The following PAX8 variants were observed in gnomAD, a reference collection of about 807,000 sequenced individuals.
PAX8 encodes paired box 8, also known as paired box protein Pax-8.
In PAX8, 15 loss-of-function variants were observed where a neutral mutation model predicts 52.4. The observed-to-expected ratio is 0.29, with a 90% CI of 0.19 to 0.44. The LOEUF (loss-of-function observed/expected upper bound fraction) is 0.44, where lower values mean the gene tolerates loss of function less well. Among genes scored for constraint, PAX8 ranks in the 20% least tolerant of loss-of-function variants. The probability of loss-of-function intolerance (pLI) is 1.00; values close to 1 mark genes in which losing one functional copy is unlikely to be tolerated. For missense variants in PAX8, 554 were observed against 602.5 expected (o/e 0.92, Z 0.84); for synonymous variants, 284 against 249.7 (o/e 1.14, Z -1.29).
At chr2:113,276,030 C>T (rs1446868611) in intron 2 of PAX8, 1 of 152,248 alleles carries the variant, frequency 6.6e-6, no homozygotes, top group Non-Finnish European at 1.5e-5. Context: ...CGTGTGGCCG[C>T]CTGCGTCCCG....
chr2:113,225,951 G>C, intron 10 of PAX8: 4 of 982,414 alleles, frequency 4.1e-6, no homozygotes, highest in Non-Finnish European at 4.8e-6. Context: ...GAGGAAGGGA[G>C]GGAGGGAGGG....
intron 10 of PAX8, chr2:113,226,939 A>G: frequency 4.1e-6 from 6 of 1,462,002 alleles, no homozygotes; most frequent in South Asian, 1.3e-5. Context: ...GCCTGGGAAG[A>G]AGGAGGCCGA....
chr2:113,241,326 C>T, intron 7 of PAX8: 1 of 628,800 alleles, frequency 1.6e-6, no homozygotes, highest in East Asian at 2.8e-5. Context: ...AAGGCCCAGG[C>T]TCAAAGGTTT....
chr2:113,226,560 G>T, intron 10 of PAX8: 2 of 1,005,234 alleles, frequency 2.0e-6, no homozygotes, highest in Non-Finnish European at 2.4e-6. Context: ...GCTACTCCAG[G>T]CTCATTTCAT....
At chr2:113,233,008 C>T (rs1689986871) in intron 9 of PAX8, among the ~76,000 whole-genome samples, 1 of 150,448 alleles carries the variant, frequency 6.6e-6, no homozygotes, top group South Asian at 2.1e-4. Context: ...TGACATGAAC[C>T]TCTTCTCCTC....
At chr2:113,236,940 G>T in intron 7 of PAX8, 1 of 583,050 alleles carries the variant, frequency 1.7e-6, no homozygotes, top group Non-Finnish European at 3.0e-6. Flanking sequence ...GGTAGCATGG[G>T]TGCCCAGACG....
At chr2:113,241,229 C>CT in intron 7 of PAX8, 1 of 480,704 alleles carries the variant, frequency 2.1e-6, no homozygotes, top group Non-Finnish European at 3.8e-6. Flanking sequence ...TGTGCTACTG[C>CT]TTCAGAGTTG....
Position 113,227,067 on chromosome 2 carries a change from G to A in PAX8, c.1189+88C>T, listed in dbSNP as rs1485312463. 3 of 1,536,312 alleles carry A rather than the reference G, an allele frequency of 2.0e-6. No homozygotes were observed. The East Asian group carries it at 7.3e-5, about 38-fold the overall frequency. On this transcript the variant is annotated intron_variant, in intron 10 of 11. Coordinates refer to ENST00000429538, the MANE Select transcript of PAX8 (RefSeq NM_003466.4). ...GCCCTTTGGGAAGTCTATGAATAGG[G>A]CACAGTATGCCTCTTGCTCCTTGTG... is the stretch of plus-strand genomic sequence containing the variant.
At position 113,216,912 on chromosome 2, in the gene PAX8, G is replaced by C; in HGVS notation, c.*1621C>G. 4.4e-6 allele frequency: 1 copy of C among 228,746 alleles called. No individual in the cohort carries two copies. The highest frequency in any genetic ancestry group is 8.7e-6 in the Non-Finnish European group (1 of 115,134). 14.2% of individuals were successfully genotyped at this position (228,746 alleles called of 1,614,324 possible). Reference sequence around the variant, plus strand: ...CCTCATATGTAAAATGAAGCTGTATGTAAAACAGGGCTAATTTCAGCTTAA... The same window carrying C: ...CCTCATATGTAAAATGAAGCTGTATCTAAAACAGGGCTAATTTCAGCTTAA... On this transcript the variant is annotated 3_prime_UTR_variant, in exon 12 of 12. Coordinates refer to ENST00000429538, the MANE Select transcript of PAX8 (RefSeq NM_003466.4).
intron 2 of PAX8, chr2:113,272,702 T>A (rs1474067116): frequency 6.6e-6 from 1 of 152,192 alleles, no homozygotes; most frequent in East Asian, 1.9e-4. Flanking sequence ...AGTCATTGCC[T>A]GCATTTCCTA....
chr2:113,271,678 T>G (rs1022547720), intron 2 of PAX8: 7 of 148,098 alleles, frequency 4.7e-5, no homozygotes, highest in Non-Finnish European at 1.0e-4. Context: ...CTGATGGGAG[T>G]TTCCACTAGG....
intron 7 of PAX8, chr2:113,240,875 GTC>G (rs1282119586): frequency 1.2e-5 from 2 of 161,188 alleles, no homozygotes; most frequent in African/African-American, 4.8e-5. Flanking sequence ...GTACCTGTCT[GTC>G]TGCTAGATTA....
intron 2 of PAX8, among the ~76,000 whole-genome samples, chr2:113,256,972 C>A (rs910558574): frequency 6.6e-6 from 1 of 152,136 alleles, no homozygotes; most frequent in Non-Finnish European, 1.5e-5. Flanking sequence ...CTGAGACCCA[C>A]CATTTCCATA....
intron 7 of PAX8, chr2:113,239,692 A>C (rs951584120): frequency 1.3e-5 from 2 of 152,244 alleles, no homozygotes; most frequent in Non-Finnish European, 2.9e-5. Flanking sequence ...CCTCATCTGA[A>C]AGATGAGTGG....
rs2104627843 is a variant in PAX8 at position 113,278,897 on chromosome 2, TCTC to T, written c.-145_-143del. On this transcript the variant is annotated 5_prime_UTR_variant, in exon 1 of 12. Coordinates refer to ENST00000429538, the MANE Select transcript of PAX8 (RefSeq NM_003466.4). ...GCGAGGGTGCCCTGGGCCCGGTGTC[TCTC>T]CTCCTTCTGAAGTTTGTTCCCATCC... is the stretch of plus-strand genomic sequence containing the variant. 2 of 1,050,518 alleles carry T rather than the reference TCTC, an allele frequency of 1.9e-6. No individual in the cohort carries two copies. The highest frequency in any genetic ancestry group is 5.4e-5 in the East Asian group (1 of 18,524). The allele number at this position is 1,050,518 out of a possible 1,614,324, so 65.1% of individuals were successfully genotyped here.
intron 2 of PAX8, among the ~76,000 whole-genome samples, chr2:113,255,985 C>T (rs1016449656): frequency 1.4e-4 from 19 of 140,526 alleles, no homozygotes; most frequent in African/African-American, 5.3e-4. Context: ...CCTGCCAGGG[C>T]TCAATCAGTA....
rs552876586 is a variant in PAX8, at chr2:113,251,843, C to T, written c.26-4924G>A. ...GTTCCTATAGTCCTTTGCACAAATT[C>T]CTATCATAGCACTGACTGCATTGAA... is the stretch of plus-strand genomic sequence containing the variant. On this transcript the variant is annotated intron_variant, in intron 2 of 11. Coordinates refer to ENST00000429538, the MANE Select transcript of PAX8 (RefSeq NM_003466.4). 4.6e-5 allele frequency among the ~76,000 whole-genome samples: 7 copies of T among 152,294 alleles called. No individual in the cohort carries two copies. In the South Asian group the frequency reaches 1.5e-3, roughly 32 times the overall value.
intron 6 of PAX8, 138 bp from the exon 7 acceptor site, chr2:113,241,864 C>T: frequency 7.0e-7 from 1 of 1,430,824 alleles, no homozygotes; most frequent in Admixed American, 1.8e-5. Context: ...GGAGCCTTGG[C>T]CAACTGAGGG....
At chr2:113,234,082 TG>T (rs1209131597) in intron 9 of PAX8, among the ~76,000 whole-genome samples, 4 of 152,338 alleles carry the variant, frequency 2.6e-5, no homozygotes, top group African/African-American at 9.6e-5. Flanking sequence ...TTGGAGACAG[TG>T]CCGCTATTAA....
Sources: allele counts gnomAD v4.1 joint callset (sites outside exome capture counted in the v4.1 genomes callset), GRCh38; gene constraint gnomAD v4.1.1; transcripts MANE v1.5; gene names NCBI Gene and HGNC (gene_info 2026-07-23, HGNC 2026-07-21).